Variants in LNP1 observed in about 807,000 individuals in gnomAD.
LNP1 encodes leukemia NUP98 fusion partner 1.
LNP1 carries 12 observed loss-of-function variants against 14.5 expected under a neutral mutation model. The ratio of observed to expected loss-of-function variants is 0.83; its 90% confidence interval spans 0.53 to 1.34. The LOEUF (loss-of-function observed/expected upper bound fraction) is 1.34. Ranked by LOEUF, LNP1 falls within the 40% of genes most tolerant of loss-of-function variation. The pLI is 0.00. For missense variants in LNP1, 198 were observed against 210.9 expected (o/e 0.94, Z 0.38); for synonymous variants, 75 against 71.4 (o/e 1.05, Z -0.26).
intron 3 of LNP1, among the ~76,000 whole-genome samples, chr3:100,453,926 A>G (rs895812318): frequency 6.6e-6 from 1 of 152,198 alleles, no homozygotes; most frequent in Admixed American, 6.5e-5. Context: ...TGAAATTTGA[A>G]ATCATGTGTT....
intron 1 of LNP1, among the ~76,000 whole-genome samples, chr3:100,414,780 C>A (rs1001376896): frequency 1.3e-5 from 2 of 152,152 alleles, no homozygotes; most frequent in Non-Finnish European, 2.9e-5. Flanking sequence ...AAACTGAATT[C>A]TTCCAATGAT....
At chr3:100,426,472 T>C (rs755155100) in intron 1 of LNP1, among the ~76,000 whole-genome samples, 1 of 152,162 alleles carries the variant, frequency 6.6e-6, no homozygotes, top group Admixed American at 6.5e-5. Flanking sequence ...CAAGTCCAAT[T>C]GACAAGAAAT....
At chr3:100,422,863 T>C (rs566310224) in intron 1 of LNP1, among the ~76,000 whole-genome samples, 1 of 143,702 alleles carries the variant, frequency 7.0e-6, no homozygotes, top group Non-Finnish European at 1.5e-5. Flanking sequence ...AAAACAGTTC[T>C]CATAATACAT....
At chr3:100,405,569 C>T (rs1175957805) in intron 1 of LNP1, among the ~76,000 whole-genome samples, 2 of 152,094 alleles carry the variant, frequency 1.3e-5, no homozygotes, top group East Asian at 3.8e-4. Context: ...GGTTTGTGTC[C>T]TCAAATAGTG....
intron 2 of LNP1, among the ~76,000 whole-genome samples, chr3:100,433,447 T>G (rs1707261868): frequency 1.3e-5 from 2 of 152,238 alleles, no homozygotes; most frequent in Admixed American, 6.5e-5. Flanking sequence ...ATGCACCACA[T>G]TTTCTTTATC....
intron 2 of LNP1, among the ~76,000 whole-genome samples, chr3:100,447,423 G>T (rs1707398677): frequency 6.6e-6 from 1 of 152,044 alleles, no homozygotes; most frequent in East Asian, 1.9e-4. Context: ...CACAGTGGGG[G>T]GAACATCACA....
At chr3:100,410,841 T>C (rs1707025412) in intron 1 of LNP1, among the ~76,000 whole-genome samples, 2 of 152,206 alleles carry the variant, frequency 1.3e-5, no homozygotes, top group East Asian at 3.8e-4. Context: ...CCAACAGCAA[T>C]TCAGAAATCC....
In LNP1 at chr3:100,417,371, C is replaced by CTTTTTTTTTTTTTTTTTTTTT. The variant is rs562000656; in HGVS notation, c.-33-12324_-33-12304dup. 5.9e-4 allele frequency among the ~76,000 whole-genome samples: 38 copies of CTTTTTTTTTTTTTTTTTTTTT among 64,628 alleles called. 1 individual carries two copies. The highest frequency in any genetic ancestry group is 1.0e-3 in the Admixed American group (4 of 3,948). 42.4% of individuals were successfully genotyped at this position (64,628 alleles called of 152,430 possible). A position where few individuals can be genotyped will look rare whatever the true frequency, so the allele number is the denominator to read the frequency against. ...CTTTTTCTTTCTTTCTTTCTTTTTT[C>CTTTTTTTTTTTTTTTTTTTTT]TTTTTTTTTTTTTTTTTTTTTTCGA... On this transcript the variant is annotated intron_variant, in intron 1 of 3. Coordinates refer to ENST00000383693, the MANE Select transcript of LNP1 (RefSeq NM_001085451.2).
intron 1 of LNP1, among the ~76,000 whole-genome samples, chr3:100,423,696 G>A (rs1364199120): frequency 6.6e-6 from 1 of 151,934 alleles, no homozygotes; most frequent in Non-Finnish European, 1.5e-5. Flanking sequence ...CATTCAGCAT[G>A]ATAAGAAAAT....
intron 1 of LNP1, among the ~76,000 whole-genome samples, chr3:100,409,426 T>C (rs1174518923): frequency 1.3e-5 from 2 of 151,418 alleles, no homozygotes; most frequent in Admixed American, 6.6e-5. Flanking sequence ...GGGTTGATCA[T>C]GAGGTCAGGA....
chr3:100,421,257 A>C (rs568594753), intron 1 of LNP1, among the ~76,000 whole-genome samples: 3 of 152,348 alleles, frequency 2.0e-5, no homozygotes, highest in African/African-American at 7.2e-5. Context: ...TCAGCTAGAA[A>C]TATATGTGGG....
rs564289738 is a variant in LNP1, at chr3:100,406,880, A to G, written c.-34+4441A>G. Among the ~76,000 whole-genome samples, 25 of 152,314 alleles carry G rather than the reference A, an allele frequency of 1.6e-4. No individual in the cohort carries two copies. The South Asian group carries it at 2.1e-3, about 13-fold the overall frequency. ...ATTGTCGGTTTTTGCTTCAAAAAACATAGATATTACAGGTTATTTTAGACT... is the reference window on the plus strand; with the variant it reads ...ATTGTCGGTTTTTGCTTCAAAAAACGTAGATATTACAGGTTATTTTAGACT... On this transcript the variant is annotated intron_variant, in intron 1 of 3. Transcript: ENST00000383693.
At chr3:100,442,825 G>T (rs1707357052) in intron 2 of LNP1, among the ~76,000 whole-genome samples, 1 of 151,938 alleles carries the variant, frequency 6.6e-6, no homozygotes, top group South Asian at 2.1e-4. Flanking sequence ...TGAGTCTCTG[G>T]TCTCAGGTTT....
chr3:100,414,450 G>A (rs1030372402), intron 1 of LNP1, among the ~76,000 whole-genome samples: 1 of 152,036 alleles, frequency 6.6e-6, no homozygotes, highest in African/African-American at 2.4e-5. Flanking sequence ...GGGAGACCGA[G>A]GCAGGAGAAT....
chr3:100,412,595 G>C (rs1464542604), intron 1 of LNP1, among the ~76,000 whole-genome samples: 2 of 152,048 alleles, frequency 1.3e-5, no homozygotes, highest in Admixed American at 1.3e-4. Flanking sequence ...CTCATCTACT[G>C]GATTATAAGT....
chr3:100,433,068 G>A (rs528699767), intron 2 of LNP1, among the ~76,000 whole-genome samples: 1 of 152,052 alleles, frequency 6.6e-6, no homozygotes, highest in African/African-American at 2.4e-5. Flanking sequence ...TTTCTTTAAA[G>A]TTAAAGTTCT....
intron 2 of LNP1, among the ~76,000 whole-genome samples, chr3:100,435,317 G>A (rs73150369): frequency 3.3e-5 from 5 of 151,962 alleles, no homozygotes; most frequent in Non-Finnish European, 7.4e-5. Flanking sequence ...CTGGCCTCCC[G>A]TGTTCTTCAT....
chr3:100,420,928 A>G (rs1450994987), intron 1 of LNP1, among the ~76,000 whole-genome samples: 1 of 151,846 alleles, frequency 6.6e-6, no homozygotes, highest in Non-Finnish European at 1.5e-5. Context: ...CTTACAGTTT[A>G]CAATTTATAT....
intron 1 of LNP1, among the ~76,000 whole-genome samples, chr3:100,428,902 A>G (rs1485281330): frequency 6.6e-6 from 1 of 152,218 alleles, no homozygotes; most frequent in African/African-American, 2.4e-5. Context: ...GTTCAAAAAC[A>G]AGCAAATTAA....
Sources: gnomAD v4.1 joint callset for allele counts (sites outside exome capture counted in the v4.1 genomes callset) on GRCh38, gnomAD v4.1.1 for gene constraint, MANE v1.5 for transcripts, NCBI Gene and HGNC (gene_info 2026-07-23, HGNC 2026-07-21) for gene names.